SHISA6: variants seen among roughly 807,000 people sequenced by gnomAD.
SHISA6 encodes the protein protein shisa-6.
In SHISA6, 22 loss-of-function variants were observed where a neutral mutation model predicts 47.9. The ratio of observed to expected loss-of-function variants is 0.46; its 90% CI spans 0.33 to 0.66. The LOEUF is 0.66. Among genes scored for constraint, SHISA6 ranks in the 30% least tolerant of loss-of-function variants. The pLI is 0.02. For synonymous variants in SHISA6, 388 were observed against 337.8 expected, an observed-to-expected ratio of 1.15 and a Z score of -1.63; for missense variants, 680 against 764.6, an observed-to-expected ratio of 0.89 and a Z score of 1.30.
At chr17:11,261,089 A>AAGATGG (rs1188136786) in intron 1 of SHISA6, among the ~76,000 whole-genome samples, 1 of 151,896 alleles carries the variant, frequency 6.6e-6, no homozygotes, top group East Asian at 1.9e-4. Context: ...AAGGGGATGG[A>AAGATGG]AGATGGAGAG....
intron 3 of SHISA6, among the ~76,000 whole-genome samples, chr17:11,466,362 G>A (rs1382345908): frequency 2.0e-5 from 3 of 152,114 alleles, no homozygotes; most frequent in Non-Finnish European, 4.4e-5. Context: ...AGCAGGATGC[G>A]ATAGCTTGAG....
At chr17:11,298,441 G>A (rs945858133) in intron 2 of SHISA6, among the ~76,000 whole-genome samples, 1 of 152,222 alleles carries the variant, frequency 6.6e-6, no homozygotes, top group Non-Finnish European at 1.5e-5. Flanking sequence ...GAAGATGGTA[G>A]TTTAGGGTGT....
intron 2 of SHISA6, among the ~76,000 whole-genome samples, chr17:11,357,782 T>G (rs1912124153): frequency 6.6e-6 from 1 of 152,238 alleles, no homozygotes; most frequent in Non-Finnish European, 1.5e-5. Flanking sequence ...CTACTCTGTC[T>G]GTAATTATTT....
Position 11,496,416 on chromosome 17 carries a change from C to T in SHISA6, c.896-55480C>T, listed in dbSNP as rs1284736080. On this transcript the variant is annotated intron_variant, in intron 3 of 5. Coordinates refer to ENST00000441885, the MANE Select transcript of SHISA6 (RefSeq NM_207386.4). ...TAGAAACTGTGAAGCTTAGGGTTTA[C>T]AGTGCCTACAAGGGCTAGGCATAGA... Among the ~76,000 whole-genome samples, 5 of 152,208 alleles carry T rather than the reference C, an allele frequency of 3.3e-5. No homozygotes were observed. In the East Asian group the frequency reaches 7.7e-4, roughly 23 times the overall value.
At chr17:11,447,265 T>G (rs900741518) in intron 3 of SHISA6, among the ~76,000 whole-genome samples, 1 of 152,092 alleles carries the variant, frequency 6.6e-6, no homozygotes, top group Non-Finnish European at 1.5e-5. Context: ...AAGAAAGAAA[T>G]AAGAAGGTAG....
intron 3 of SHISA6, among the ~76,000 whole-genome samples, chr17:11,534,528 G>A (rs902198522): frequency 2.0e-5 from 3 of 152,152 alleles, no homozygotes; most frequent in Non-Finnish European, 4.4e-5. Context: ...TAGTGTGTTA[G>A]AAGACACAAG....
chr17:11,302,661 C>T (rs192181088), intron 2 of SHISA6, among the ~76,000 whole-genome samples: 2 of 152,150 alleles, frequency 1.3e-5, no homozygotes, highest in Non-Finnish European at 2.9e-5. Context: ...AACATCTGGA[C>T]CAGTCCAAGC....
chr17:11,449,504 T>C (rs936431087), intron 3 of SHISA6, among the ~76,000 whole-genome samples: 1 of 150,408 alleles, frequency 6.6e-6, no homozygotes, highest in Non-Finnish European at 1.5e-5. Flanking sequence ...CTTAGAGAGA[T>C]GAGCGAGACA....
intron 1 of SHISA6, among the ~76,000 whole-genome samples, chr17:11,262,141 G>T (rs147190050): frequency 5.3e-5 from 8 of 152,208 alleles, no homozygotes; most frequent in African/African-American, 4.8e-5. Context: ...TTCATGTGGC[G>T]ATCCAGTCAG....
chr17:11,362,841 C>T (rs1198170336), intron 2 of SHISA6, among the ~76,000 whole-genome samples: 7 of 152,202 alleles, frequency 4.6e-5, no homozygotes, highest in Admixed American at 2.0e-4. Context: ...ATTTATCACA[C>T]GTCTTCTGGT....
At chr17:11,387,909 G>C (rs1365172636) in intron 3 of SHISA6, among the ~76,000 whole-genome samples, 2 of 152,092 alleles carry the variant, frequency 1.3e-5, no homozygotes, top group Admixed American at 1.3e-4. Context: ...CTGATCCAGG[G>C]GCCGTGCTCA....
At chr17:11,271,601 CTTTTTT>C (rs770845288) in intron 2 of SHISA6, among the ~76,000 whole-genome samples, 2 of 99,690 alleles carry the variant, frequency 2.0e-5, no homozygotes, top group Non-Finnish European at 4.0e-5. Flanking sequence ...CCACGCCTGG[CTTTTTT>C]TTTTTTTTTT....
rs544769732 is a variant in SHISA6 at position 11,557,542 on chromosome 17, C to T, written c.1106-212C>T. ...CCCAGACCCACTGAATTAGAATCTG[C>T]ATTTAACAAGCCCCCAGAGAATGGT... On this transcript the variant is annotated intron_variant, in intron 5 of 5. Coordinates refer to ENST00000441885, the MANE Select transcript of SHISA6 (RefSeq NM_207386.4). 5.9e-5 allele frequency among the ~76,000 whole-genome samples: 9 copies of T among 152,326 alleles called. No individual in the cohort carries two copies. The South Asian group carries it at 1.2e-3, about 21-fold the overall frequency.
At chr17:11,374,156 CTACTT>C (rs1912714055) in intron 2 of SHISA6, among the ~76,000 whole-genome samples, 1 of 152,210 alleles carries the variant, frequency 6.6e-6, no homozygotes, top group Admixed American at 6.5e-5. Context: ...AGATTGAACA[CTACTT>C]TATGTGTATT....
intron 3 of SHISA6, among the ~76,000 whole-genome samples, chr17:11,477,315 G>GTTGTTC (rs55827347): frequency 0.64 from 96,230 of 151,314 alleles, 31,522 homozygotes; most frequent in African/African-American, 0.8. Context: ...AGTTTTCTGT[G>GTTGTTC]TTGTTCTTTA....
At chr17:11,281,966 T>G (rs921440460) in intron 2 of SHISA6, among the ~76,000 whole-genome samples, 2 of 152,192 alleles carry the variant, frequency 1.3e-5, no homozygotes, top group Non-Finnish European at 2.9e-5. Context: ...AAGTAAGCAA[T>G]GGTCAAATGC....
At chr17:11,531,109 A>C (rs1446288719) in intron 3 of SHISA6, among the ~76,000 whole-genome samples, 1 of 152,018 alleles carries the variant, frequency 6.6e-6, no homozygotes, top group African/African-American at 2.4e-5. Flanking sequence ...AACAGCTCAG[A>C]TACCGTTAGT....
chr17:11,423,211 A>ATG (rs1194730327), intron 3 of SHISA6, among the ~76,000 whole-genome samples: 2 of 126,498 alleles, frequency 1.6e-5, no homozygotes, highest in African/African-American at 6.2e-5. Context: ...TGTAACATAT[A>ATG]TGTATGTGTG....
rs1475705950 is a variant in SHISA6, at chr17:11,288,872, T to C, written c.799+25346T>C. The C allele has an allele frequency of 2.6e-5, 4 of 152,346 alleles. No individual in the cohort carries two copies. In the East Asian group the frequency reaches 7.7e-4, roughly 29 times the overall value. The allele number at this position is 152,346 out of a possible 1,614,324, so 9.4% of individuals were successfully genotyped here. A position where few individuals can be genotyped will look rare whatever the true frequency, so the allele number is the denominator to read the frequency against. ...TGCACTGGCTGACCCGAAATGAGGC[T>C]AAATGATACTGAGGACAGTTGGTAT... On this transcript the variant is annotated intron_variant, in intron 2 of 5. Transcript: ENST00000441885.
Sources: allele counts gnomAD v4.1 joint callset (sites outside exome capture counted in the v4.1 genomes callset), GRCh38; gene constraint gnomAD v4.1.1; transcripts MANE v1.5; gene names NCBI Gene and HGNC (gene_info 2026-07-23, HGNC 2026-07-21).